The following PENK variants were observed in gnomAD, a reference collection of about 807,000 sequenced individuals.
The protein encoded by PENK is proenkephalin-A.
In PENK, 25 loss-of-function variants were observed where a neutral mutation model predicts 24.1. The ratio of observed to expected loss-of-function variants is 1.04; its 90% CI spans 0.76 to 1.45. The LOEUF (loss-of-function observed/expected upper bound fraction) is 1.45. PENK is among the 40% of genes most tolerant of loss of function. The pLI is 0.00. For missense variants in PENK, 353 were observed against 337.9 expected (o/e 1.04, Z -0.35); for synonymous variants, 135 against 130.3 (o/e 1.04, Z -0.24).
chr8:56,446,077 T>C lies in PENK; in HGVS notation c.-3-121A>G, dbSNP rs1298602027. The stretch of plus-strand genomic sequence containing the variant: ...GTCGAGCAAAAGCCCGCAGGAATGC[T>C]CCTTTCTGGGGCCCCGCCCTCCCGG... On this transcript the variant is annotated intron_variant, in intron 2 of 3. Transcript: ENST00000451791. 3.4e-6 allele frequency: 4 copies of C among 1,178,922 alleles called. No individual in the cohort carries two copies. The South Asian group carries it at 4.8e-5, about 14-fold the overall frequency. The allele number at this position is 1,178,922 out of a possible 1,614,324, so 73.0% of individuals were successfully genotyped here.
In PENK at chr8:56,441,739, T is replaced by G; in HGVS notation, c.337A>C (p.Lys113Gln). Reference protein sequence around the residue: ...FMKRYGGFMKKMDELYPMEPE... With the variant: ...FMKRYGGFMKQMDELYPMEPE... ...TCCATGGGATAAAGCTCATCCATTT[T>G]CTTCATGAAGCCTCCATACCTTTTC... Residue 113 changes from lysine (K) to glutamine (Q), a missense_variant, in exon 4 of 4, where the codon AAA (lysine) becomes CAA (glutamine). Coordinates refer to ENST00000451791, the MANE Select transcript of PENK (RefSeq NM_001135690.3). 2 of 1,613,636 alleles carry G rather than the reference T, an allele frequency of 1.2e-6. No homozygotes were observed. The highest frequency in any genetic ancestry group is 8.5e-7 in the Non-Finnish European group (1 of 1,179,870).
intron 3 of PENK, chr8:56,443,879 C>T (rs565335995): frequency 1.6e-5 from 10 of 634,468 alleles, no homozygotes; most frequent in Non-Finnish European, 2.6e-5. Flanking sequence ...CTATTTTTTT[C>T]AAGTTGCTAA....
At position 56,445,903 on chromosome 8, in the gene PENK, C is replaced by G; in HGVS notation, c.51G>C (p.Gly17=). 6.2e-7 allele frequency: 1 copy of G among 1,612,596 alleles called. No homozygotes were observed. Among genetic ancestry groups the G allele is most frequent in the Non-Finnish European group, 8.5e-7 (1 of 1,179,688 alleles). The change falls in exon 3 of 4, where the codon GGG becomes GGC. Residue 17 remains glycine, a synonymous_variant. Transcript: ENST00000451791. ...LCTWLLLLGP[G]LLATVRAECS... ...ATTCGGCCCGCACGGTCGCCAGGAG[C>G]CCGGGGCCGAGCAACAGCAGCCAAG...
intron 3 of PENK, chr8:56,443,703 G>T: frequency 2.6e-6 from 1 of 378,764 alleles, no homozygotes. Context: ...CATGTCTTTT[G>T]CATCCGAGCC....
At position 56,441,176 on chromosome 8, in the gene PENK, G is replaced by A. The variant is rs1288974944; in HGVS notation, c.*96C>T. The A allele has an allele frequency of 4.8e-6, 4 of 839,036 alleles. No individual in the cohort carries two copies. The highest frequency in any genetic ancestry group is 5.7e-6 in the Non-Finnish European group (3 of 524,238). The allele number at this position is 839,036 out of a possible 1,614,324, so 52.0% of individuals were successfully genotyped here. ...CAGACAATGAAGTCAACTATACAAGGCAAGCAACACATGACAATAAAACAC... is the reference window on the plus strand; with the variant it reads ...CAGACAATGAAGTCAACTATACAAGACAAGCAACACATGACAATAAAACAC... On this transcript the variant is annotated 3_prime_UTR_variant, in exon 4 of 4. Coordinates refer to ENST00000451791, the MANE Select transcript of PENK (RefSeq NM_001135690.3).
At chr8:56,442,787 T>C (rs944798676) in intron 3 of PENK, among the ~76,000 whole-genome samples, 1 of 152,088 alleles carries the variant, frequency 6.6e-6, no homozygotes, top group Non-Finnish European at 1.5e-5. Flanking sequence ...TGGTGTTTGG[T>C]AAAATAGGAA....
Position 56,441,447 on chromosome 8 carries a change from T to C in PENK, c.629A>G (p.Tyr210Cys). ...EDEAKELQKR[Y>C]GGFMRRVGRP... is the part of the protein sequence containing the mutation. ...ACCTACTCTTCTCATGAAGCCCCCA[T>C]ATCGCTTCTGCAGCTCTTTGGCTTC... The change falls in exon 4 of 4, where the codon TAT becomes TGT. Residue 210 changes from tyrosine (Y) to cysteine (C), a missense_variant. Coordinates refer to ENST00000451791, the MANE Select transcript of PENK (RefSeq NM_001135690.3). The C allele has an allele frequency of 6.2e-7, 1 of 1,613,840 alleles. No homozygotes were observed. Among genetic ancestry groups the C allele is most frequent in the East Asian group, 2.2e-5 (1 of 44,876 alleles).
At chr8:56,443,771 T>C (rs1804600550) in intron 3 of PENK, 2 of 425,706 alleles carry the variant, frequency 4.7e-6, no homozygotes, top group Admixed American at 8.4e-5. Context: ...CTTTTGTCAT[T>C]GAGACAATAA....
Position 56,441,740 on chromosome 8 carries a change from CTTCATGAAGCCTCCATACCTT to C in PENK, c.315_335del (p.Arg106_Lys112del), listed in dbSNP as rs544540811. The C allele has an allele frequency of 1.3e-3, 2,148 of 1,613,676 alleles. 29 individuals carry two copies. In the African/African-American group the frequency reaches 0.026, roughly 20 times the overall value. On this transcript the variant is annotated inframe_deletion, in exon 4 of 4. Coordinates refer to ENST00000451791, the MANE Select transcript of PENK (RefSeq NM_001135690.3). ...CCATGGGATAAAGCTCATCCATTTTCTTCATGAAGCCTCCATACCTTTTCATGAAGCCCCCATACCTTTTGG... is the reference window on the plus strand; with the variant it reads ...CCATGGGATAAAGCTCATCCATTTTCTTCATGAAGCCCCCATACCTTTTGG...
chr8:56,445,493 G>A, intron 3 of PENK: 1 of 585,514 alleles, frequency 1.7e-6, no homozygotes. Context: ...AGAGAACCCA[G>A]TGCTATCCGA....
chr8:56,441,956 G>A lies in PENK; in HGVS notation c.139-19C>T. 6.4e-7 allele frequency: 1 copy of A among 1,573,752 alleles called. No individual in the cohort carries two copies. Among genetic ancestry groups the A allele is most frequent in the Non-Finnish European group, 8.6e-7 (1 of 1,159,272 alleles). ...CGCAAGCCTGGGAAAACAATTTGAT[G>A]TAATGATAAAAAGAAGCTTCTGTGA... On this transcript the variant is annotated intron_variant, in intron 3 of 3. Transcript: ENST00000451791.
At chr8:56,446,257 C>T in intron 2 of PENK, 169 bp downstream of exon 2, 1 of 410,174 alleles carries the variant, frequency 2.4e-6, no homozygotes, top group South Asian at 6.1e-5. Flanking sequence ...CGCCGCAGAC[C>T]AGGGGCGAGA....
At position 56,445,843 on chromosome 8, in the gene PENK, T is replaced by G; in HGVS notation, c.111A>C (p.Leu37=). The part of the protein sequence containing the change: ...SQDCATCSYR[L]VRPADINFLA... ...GGAAGTTGATGTCGGCCGGGCGCAC[T>G]AGGCGGTAGCTGCACGTCGCGCAAT... Residue 37 remains leucine (L), a synonymous_variant, in exon 3 of 4, where the codon CTA becomes CTC. Transcript: ENST00000451791. 1.9e-6 allele frequency: 3 copies of G among 1,613,366 alleles called. No homozygotes were observed. Among genetic ancestry groups the G allele is most frequent in the Non-Finnish European group, 2.5e-6 (3 of 1,179,912 alleles).
intron 3 of PENK, chr8:56,443,871 A>AT (rs1416019910): frequency 9.4e-6 from 6 of 637,068 alleles, no homozygotes; most frequent in Admixed American, 2.4e-5. Context: ...CTTATTATCT[A>AT]TTTTTTTCAA....
In PENK at chr8:56,443,858, T is replaced by C. The variant is rs1056965056; in HGVS notation, c.139-1921A>G. On this transcript the variant is annotated intron_variant, in intron 3 of 3. Coordinates refer to ENST00000451791, the MANE Select transcript of PENK (RefSeq NM_001135690.3). Reference sequence around the variant, plus strand: ...TCTATAAGACTATTTTTATTGATGGTTGCTTATTATCTATTTTTTTCAAGT... The same window carrying C: ...TCTATAAGACTATTTTTATTGATGGCTGCTTATTATCTATTTTTTTCAAGT... 42 of 622,432 alleles carry C rather than the reference T, an allele frequency of 6.7e-5. No homozygotes were observed. In the Admixed American group the frequency reaches 1.0e-3, roughly 15 times the overall value. 38.6% of individuals were successfully genotyped at this position (622,432 alleles called of 1,614,324 possible). A position where few individuals can be genotyped will look rare whatever the true frequency, so the allele number is the denominator to read the frequency against.
Position 56,446,423 on chromosome 8 carries a change from C to T in PENK, c.-4+3G>A, listed in dbSNP as rs939665879. ...AAGACAAGCTTCGGGCAAATTCACT[C>T]ACGTTGACGCTGTTCGGATGGAGCA... On this transcript the variant is annotated splice_donor_region_variant and intron_variant, in intron 2 of 3. Coordinates refer to ENST00000451791, the MANE Select transcript of PENK (RefSeq NM_001135690.3). 3 of 169,480 alleles carry T rather than the reference C, an allele frequency of 1.8e-5. No homozygotes were observed. The highest frequency in any genetic ancestry group is 4.8e-5 in the African/African-American group (2 of 41,906). 10.5% of individuals were successfully genotyped at this position (169,480 alleles called of 1,614,324 possible).
intron 3 of PENK, among the ~76,000 whole-genome samples, chr8:56,444,668 T>A (rs1404188921): frequency 6.6e-6 from 1 of 152,214 alleles, no homozygotes; most frequent in African/African-American, 2.4e-5. Flanking sequence ...TGTCTTCTCT[T>A]TAATGCCAAG....
chr8:56,445,109 C>A (rs1804630071), intron 3 of PENK: 1 of 152,886 alleles, frequency 6.5e-6, no homozygotes, highest in Non-Finnish European at 1.5e-5. Context: ...TTCTCTTGTT[C>A]CTTTCTCATA....
intron 3 of PENK, chr8:56,443,672 G>T (rs1026655705): frequency 2.2e-5 from 7 of 318,724 alleles, no homozygotes; most frequent in Non-Finnish European, 3.4e-5. Context: ...CATAATTTTG[G>T]CTAGGCAACC....
Sources: allele counts gnomAD v4.1 joint callset (sites outside exome capture counted in the v4.1 genomes callset), GRCh38; gene constraint gnomAD v4.1.1; transcripts MANE v1.5; gene names NCBI Gene and HGNC (gene_info 2026-07-23, HGNC 2026-07-21).